Variants in PAK5 observed in about 807,000 individuals in gnomAD.
PAK5 encodes the protein serine/threonine-protein kinase PAK 5.
Under a neutral mutation model 65.9 loss-of-function variants are expected in PAK5, and 16 were observed. The observed-to-expected ratio is 0.24, with a 90% confidence interval of 0.16 to 0.37. The LOEUF (loss-of-function observed/expected upper bound fraction) is 0.37. Among genes scored for constraint, PAK5 ranks in the 10% least tolerant of loss-of-function variants. The pLI is 1.00. For synonymous variants in PAK5, 371 were observed against 354.9 expected (o/e 1.05, Z -0.51); for missense variants, 785 against 903.9 (o/e 0.87, Z 1.69).
intron 1 of PAK5, among the ~76,000 whole-genome samples, chr20:9,732,318 G>T (rs910466693): frequency 2.0e-5 from 3 of 152,102 alleles, no homozygotes; most frequent in Non-Finnish European, 4.4e-5. Flanking sequence ...ATTTTCATTT[G>T]CATTCCAGGA....
At chr20:9,770,079 T>C (rs1053583628) in intron 1 of PAK5, among the ~76,000 whole-genome samples, 1 of 152,080 alleles carries the variant, frequency 6.6e-6, no homozygotes, top group African/African-American at 2.4e-5. Context: ...AGAGCTTATG[T>C]GTATGACACA....
At chr20:9,588,501 G>A (rs2046110036) in intron 3 of PAK5, among the ~76,000 whole-genome samples, 1 of 152,160 alleles carries the variant, frequency 6.6e-6, no homozygotes, top group African/African-American at 2.4e-5. Flanking sequence ...ACCCAAAAAA[G>A]TATAAGAAAA....
rs1057373191 is a variant in PAK5, at chr20:9,593,911, A to C, written c.205-12981T>G. ...AAATATTTTGTTCCTTTGAAACCCA[A>C]TGGAAGGTTTAAGAATGCACCTTGA... On this transcript the variant is annotated intron_variant, in intron 3 of 9. Coordinates refer to ENST00000353224, the MANE Select transcript of PAK5 (RefSeq NM_177990.4). Among the ~76,000 whole-genome samples, 13 of 151,956 alleles carry C rather than the reference A, an allele frequency of 8.6e-5. 1 individual carries two copies. The highest frequency in any genetic ancestry group is 7.9e-4 in the Admixed American group (12 of 15,236).
At chr20:9,664,925 G>A (rs2047393774) in intron 2 of PAK5, among the ~76,000 whole-genome samples, 1 of 151,858 alleles carries the variant, frequency 6.6e-6, no homozygotes, top group Admixed American at 6.6e-5. Flanking sequence ...TACAACTTGT[G>A]AGTCTTTTTG....
At chr20:9,602,557 A>G (rs1209287199) in intron 3 of PAK5, among the ~76,000 whole-genome samples, 2 of 152,190 alleles carry the variant, frequency 1.3e-5, no homozygotes, top group African/African-American at 4.8e-5. Context: ...AGTTTCTGAG[A>G]ATCTAAAAGT....
chr20:9,807,555 G>A (rs1315891966), intron 1 of PAK5, among the ~76,000 whole-genome samples: 4 of 152,016 alleles, frequency 2.6e-5, no homozygotes, highest in African/African-American at 7.2e-5. Context: ...AAAATTGAAA[G>A]TTTAGTGGCA....
At chr20:9,715,960 G>T (rs1384764495) in intron 1 of PAK5, among the ~76,000 whole-genome samples, 5 of 151,864 alleles carry the variant, frequency 3.3e-5, no homozygotes, top group Non-Finnish European at 7.4e-5. Context: ...ATGAGTTAAT[G>T]GATGCAGTAC....
intron 7 of PAK5, among the ~76,000 whole-genome samples, chr20:9,546,588 G>A (rs1220626421): frequency 6.6e-6 from 1 of 152,186 alleles, no homozygotes; most frequent in Non-Finnish European, 1.5e-5. Flanking sequence ...CACCTAGGGT[G>A]ATCGAAATTG....
chr20:9,689,044 G>A (rs541056456), intron 2 of PAK5, among the ~76,000 whole-genome samples: 5 of 152,214 alleles, frequency 3.3e-5, no homozygotes, highest in South Asian at 2.1e-4. Context: ...TAACAACTTC[G>A]TTTATATAAG....
intron 1 of PAK5, among the ~76,000 whole-genome samples, chr20:9,809,577 A>C (rs2049274405): frequency 6.6e-6 from 1 of 151,800 alleles, no homozygotes; most frequent in Admixed American, 6.6e-5. Context: ...CTCCTTCAAA[A>C]CTCTGAGCTC....
intron 1 of PAK5, among the ~76,000 whole-genome samples, chr20:9,731,154 CAT>C (rs1243905152): frequency 1.3e-5 from 2 of 151,942 alleles, no homozygotes; most frequent in Non-Finnish European, 2.9e-5. Context: ...AACCATAAAA[CAT>C]AATAATATAG....
chr20:9,566,969 C>T (rs919610898), intron 4 of PAK5, among the ~76,000 whole-genome samples: 10 of 152,120 alleles, frequency 6.6e-5, no homozygotes, highest in Admixed American at 6.5e-4. Context: ...CAGCAAAGAA[C>T]ATCCACTCTG....
In PAK5 at chr20:9,796,296, G is replaced by C. The variant is rs185421370; in HGVS notation, c.-162+42466C>G. On this transcript the variant is annotated intron_variant, in intron 1 of 9. Coordinates refer to ENST00000353224, the MANE Select transcript of PAK5 (RefSeq NM_177990.4). ...AACAGAAGAGGCTTCTATTGGATGG[G>C]TAGGAAGGTCCCTCTGAGGATGTAA... Among the ~76,000 whole-genome samples, 504 of 152,152 alleles carry C rather than the reference G, an allele frequency of 3.3e-3. 6 individuals carry two copies. The highest frequency in any genetic ancestry group is 0.012 in the African/African-American group (487 of 41,542).
chr20:9,677,082 TGTGTG>T, intron 2 of PAK5, among the ~76,000 whole-genome samples: 1 of 99,510 alleles, frequency 1.0e-5, no homozygotes, highest in African/African-American at 3.1e-5. Context: ...TGTGTGTGTG[TGTGTG>T]TTTGTTGTTA....
intron 1 of PAK5, among the ~76,000 whole-genome samples, chr20:9,797,175 G>T (rs1246109978): frequency 1.3e-5 from 2 of 151,808 alleles, no homozygotes; most frequent in Non-Finnish European, 2.9e-5. Context: ...TCTGTTGGCT[G>T]CATAAATGTC....
intron 3 of PAK5, among the ~76,000 whole-genome samples, chr20:9,635,048 A>G (rs1478637859): frequency 1.3e-5 from 2 of 152,222 alleles, no homozygotes; most frequent in African/African-American, 4.8e-5. Flanking sequence ...GAGGTTTTAA[A>G]ACATAGGTAA....
intron 3 of PAK5, among the ~76,000 whole-genome samples, chr20:9,639,937 C>T (rs887985358): frequency 6.6e-6 from 1 of 152,180 alleles, no homozygotes; most frequent in Admixed American, 6.5e-5. Flanking sequence ...TCAAACAGGA[C>T]CTGCTAGGTT....
chr20:9,646,007 A>G (rs1411563169), intron 2 of PAK5, among the ~76,000 whole-genome samples: 2 of 152,252 alleles, frequency 1.3e-5, no homozygotes, highest in South Asian at 2.1e-4. Flanking sequence ...TCCATGAGGG[A>G]AAGGATGCTT....
chr20:9,624,181 A>G (rs538475623), intron 3 of PAK5, among the ~76,000 whole-genome samples: 1 of 152,342 alleles, frequency 6.6e-6, no homozygotes, highest in African/African-American at 2.4e-5. Flanking sequence ...TTATCTCAAA[A>G]TTTGGCAGAA....
Sources: gnomAD v4.1 joint callset for allele counts (sites outside exome capture counted in the v4.1 genomes callset) on GRCh38, gnomAD v4.1.1 for gene constraint, MANE v1.5 for transcripts, NCBI Gene and HGNC (gene_info 2026-07-23, HGNC 2026-07-21) for gene names.